The following ANKFN1 variants were observed in gnomAD, a reference collection of about 807,000 sequenced individuals.
ANKFN1 encodes ankyrin repeat and fibronectin type-III domain-containing protein 1.
Under a neutral mutation model 108.7 loss-of-function variants are expected in ANKFN1, and 74 were observed. The ratio of observed to expected loss-of-function variants is 0.68; its 90% CI spans 0.56 to 0.83. ANKFN1 has a LOEUF of 0.83. ANKFN1 is among the 40% of genes least tolerant of loss of function. The pLI is 0.00. For synonymous variants in ANKFN1, 547 were observed against 516.2 expected, an observed-to-expected ratio of 1.06 and a Z score of -0.81; for missense variants, 1,505 against 1,382.3, an observed-to-expected ratio of 1.09 and a Z score of -1.41.
intron 12 of ANKFN1, 42 bp from the exon 13 acceptor site, chr17:56,457,215 G>A (rs753487272): frequency 1.3e-6 from 2 of 1,509,736 alleles, no homozygotes; most frequent in African/African-American, 2.8e-5. Context: ...ATTTTTCCAA[G>A]ATGGTTGAGG....
At chr17:56,113,085 C>G (rs1032623676) in intron 4 of ANKFN1, among the ~76,000 whole-genome samples, 3 of 152,122 alleles carry the variant, frequency 2.0e-5, no homozygotes, top group Non-Finnish European at 4.4e-5. Flanking sequence ...AAGTGCTCTG[C>G]TAATTTACAC....
At chr17:56,108,269 C>T (rs1905787602) in intron 4 of ANKFN1, among the ~76,000 whole-genome samples, 1 of 152,108 alleles carries the variant, frequency 6.6e-6, no homozygotes, top group African/African-American at 2.4e-5. Context: ...CTCTTGACCT[C>T]GTGATCTGCC....
intron 3 of ANKFN1, among the ~76,000 whole-genome samples, chr17:56,309,506 T>C (rs570181096): frequency 3.6e-4 from 55 of 152,282 alleles, no homozygotes; most frequent in African/African-American, 1.2e-3. Context: ...GTTTCATTGA[T>C]TTTCTCTATT....
intron 8 of ANKFN1, among the ~76,000 whole-genome samples, chr17:56,403,717 T>G (rs1366092948): frequency 6.6e-6 from 1 of 152,152 alleles, no homozygotes; most frequent in African/African-American, 2.4e-5. Flanking sequence ...ACTTTGATTT[T>G]TTGTTTTTTT....
intron 3 of ANKFN1, among the ~76,000 whole-genome samples, chr17:56,269,272 G>A (rs16956976): frequency 0.021 from 3,179 of 152,152 alleles, 104 homozygotes; most frequent in African/African-American, 0.07. Context: ...TCTACTACAC[G>A]TCTCTTCCAG....
chr17:56,350,958 G>C lies in ANKFN1; in HGVS notation c.381G>C (p.Lys127Asn). The C allele has an allele frequency of 6.2e-7, 1 of 1,613,386 alleles. No individual in the cohort carries two copies. The highest frequency in any genetic ancestry group is 8.5e-7 in the Non-Finnish European group (1 of 1,179,724). ...RTRTDRLSLR[K>N]TSVNFQGNEA... ...GAACTGATCGGCTGAGTCTCAGGAA[G>C]ACCTCGGTGGTAACAAAACTGTTTT... is the stretch of plus-strand genomic sequence containing the variant. Residue 127 changes from lysine to asparagine, a missense_variant, in exon 5 of 21, where the codon AAG becomes AAC. By Grantham distance (94) the Lys-to-Asn change is moderately conservative. Coordinates refer to ENST00000682825, the MANE Select transcript of ANKFN1 (RefSeq NM_001370326.1).
intron 8 of ANKFN1, among the ~76,000 whole-genome samples, chr17:56,389,796 G>A (rs2047377065): frequency 6.6e-6 from 1 of 152,120 alleles, no homozygotes; most frequent in South Asian, 2.1e-4. Flanking sequence ...TTTTTCCTGA[G>A]ATATGAGTTC....
At chr17:56,141,989 G>C (rs1332412377) in intron 4 of ANKFN1, among the ~76,000 whole-genome samples, 2 of 139,920 alleles carry the variant, frequency 1.4e-5, no homozygotes, top group African/African-American at 5.5e-5. Context: ...GGAGTGCAAT[G>C]GTGCAATCTT....
intron 4 of ANKFN1, among the ~76,000 whole-genome samples, chr17:56,061,044 C>T (rs918127677): frequency 6.6e-6 from 1 of 152,084 alleles, no homozygotes. Flanking sequence ...AAGGATTTGG[C>T]TGTGAATCTG....
At chr17:56,377,466 T>C (rs1315232702) in intron 8 of ANKFN1, among the ~76,000 whole-genome samples, 1 of 146,634 alleles carries the variant, frequency 6.8e-6, no homozygotes, top group Non-Finnish European at 1.5e-5. Flanking sequence ...GAATTTCCCC[T>C]GAATGCAGTA....
rs139078448 is a variant in ANKFN1 at position 56,203,852 on chromosome 17, G to A, written c.-70-8746G>A. On this transcript the variant is annotated intron_variant, in intron 1 of 20. Transcript: ENST00000682825. ...ATACAAGTTAGGCATAATCTAGCCC[G>A]GGGCATCTATTTTTATTAAAAAAAG... Among the ~76,000 whole-genome samples, 276 of 152,154 alleles carry A rather than the reference G, an allele frequency of 1.8e-3. 3 individuals carry two copies. The highest frequency in any genetic ancestry group is 6.2e-3 in the African/African-American group (258 of 41,504).
intron 3 of ANKFN1, among the ~76,000 whole-genome samples, chr17:56,296,403 G>C (rs1300005535): frequency 6.6e-6 from 1 of 152,156 alleles, no homozygotes; most frequent in African/African-American, 2.4e-5. Flanking sequence ...AAGGCTGTGG[G>C]TCAGGCGAGG....
At chr17:56,276,865 A>G (rs2043948929) in intron 3 of ANKFN1, among the ~76,000 whole-genome samples, 2 of 152,176 alleles carry the variant, frequency 1.3e-5, no homozygotes, top group Non-Finnish European at 2.9e-5. Flanking sequence ...TCAATTCATC[A>G]TAGGGTATAA....
chr17:56,212,973 C>T (rs1915131356), intron 2 of ANKFN1, among the ~76,000 whole-genome samples: 1 of 152,204 alleles, frequency 6.6e-6, no homozygotes, highest in South Asian at 2.1e-4. Context: ...TTCACAATAG[C>T]TGTACCAAGA....
intron 3 of ANKFN1, among the ~76,000 whole-genome samples, chr17:56,293,383 A>G (rs373262955): frequency 6.6e-6 from 1 of 152,308 alleles, no homozygotes; most frequent in East Asian, 1.9e-4. Flanking sequence ...AACAAACCCA[A>G]CAACTTTTCA....
intron 1 of ANKFN1, among the ~76,000 whole-genome samples, chr17:56,184,154 A>G (rs1471966458): frequency 2.0e-5 from 3 of 152,182 alleles, no homozygotes; most frequent in Non-Finnish European, 2.9e-5. Context: ...GTAAAATGCT[A>G]TCTTTCTACA....
At chr17:56,119,841 C>T (rs1434767124) in intron 4 of ANKFN1, among the ~76,000 whole-genome samples, 1 of 152,114 alleles carries the variant, frequency 6.6e-6, no homozygotes, top group African/African-American at 2.4e-5. Flanking sequence ...CCTCATCCTA[C>T]TTTTCAGGAT....
In ANKFN1 at chr17:56,495,578, G is replaced by C. The variant is rs569037075; in HGVS notation, c.2427+3225G>C. On this transcript the variant is annotated intron_variant, in intron 19 of 20. Transcript: ENST00000682825. ...AGAAGCCAAGGAGTGCGGCCAGAAA[G>C]GGGGAGGCCTGGGCCACGGGAGGTG... Among the ~76,000 whole-genome samples the C allele has an allele frequency of 1.1e-4, 17 of 152,272 alleles. No individual in the cohort carries two copies. The East Asian group carries it at 3.1e-3, about 28-fold the overall frequency.
intron 4 of ANKFN1, among the ~76,000 whole-genome samples, chr17:56,069,523 G>A (rs1317961817): frequency 6.6e-6 from 1 of 152,154 alleles, no homozygotes; most frequent in South Asian, 2.1e-4. Context: ...GTATGTTGGT[G>A]CATCTTGGTT....
Sources: allele counts gnomAD v4.1 joint callset (sites outside exome capture counted in the v4.1 genomes callset), GRCh38; gene constraint gnomAD v4.1.1; transcripts MANE v1.5; gene names NCBI Gene and HGNC (gene_info 2026-07-23, HGNC 2026-07-21).